The following SH3BP2 variants were observed in gnomAD, a reference collection of about 807,000 sequenced individuals.
SH3BP2 encodes SH3 domain binding protein 2, also known as SH3 domain-binding protein 2.
SH3BP2 carries 38 observed loss-of-function variants against 56.2 expected under a neutral mutation model. The ratio of observed to expected loss-of-function variants is 0.68; its 90% CI spans 0.52 to 0.89. The LOEUF is 0.89. Among genes scored for constraint, SH3BP2 ranks in the 40% least tolerant of loss-of-function variants. SH3BP2 has a pLI of 0.00. For synonymous variants in SH3BP2, 346 were observed against 316.7 expected (o/e 1.09, Z -0.98); for missense variants, 748 against 762.6 (o/e 0.98, Z 0.23).
At chr4:2,806,007 C>G (rs928547889) in intron 1 of SH3BP2, among the ~76,000 whole-genome samples, 2 of 152,342 alleles carry the variant, frequency 1.3e-5, no homozygotes, top group East Asian at 3.9e-4. Flanking sequence ...CTGGGCGGTT[C>G]CTCCCTTCCC....
chr4:2,824,137 C>T (rs1724460515), intron 3 of SH3BP2, among the ~76,000 whole-genome samples: 1 of 152,170 alleles, frequency 6.6e-6, no homozygotes, highest in Non-Finnish European at 1.5e-5. Context: ...CAGGGCTCCC[C>T]ACGTGATAAA....
At position 2,836,954 on chromosome 4, in the gene SH3BP2, G is replaced by A. The variant is rs1725254307; in HGVS notation, c.*3120G>A. 6.6e-6 allele frequency: 1 copy of A among 152,270 alleles called. No individual in the cohort carries two copies. Among genetic ancestry groups the A allele is most frequent in the East Asian group, 1.9e-4 (1 of 5,202 alleles). The allele number at this position is 152,270 out of a possible 1,614,324, so 9.4% of individuals were successfully genotyped here. On this transcript the variant is annotated 3_prime_UTR_variant, in exon 13 of 13. Transcript: ENST00000503393. ...CTTTGGGAAGCACCCCCAGCCCAGGGTGAAACATGCTTCTTCTCTTCCTGT... is the reference window on the plus strand; with the variant it reads ...CTTTGGGAAGCACCCCCAGCCCAGGATGAAACATGCTTCTTCTCTTCCTGT...
In SH3BP2 at chr4:2,795,725, G is replaced by A. The variant is rs371018001; in HGVS notation, c.-5+2587G>A. Among the ~76,000 whole-genome samples, 17 of 152,318 alleles carry A rather than the reference G, an allele frequency of 1.1e-4. No individual in the cohort carries two copies. The South Asian group carries it at 1.9e-3, about 17-fold the overall frequency. ...GGTACAGACAGACTAAGCCAAAGGC[G>A]GGCGGTAGGGAGGGTGGGAGACCAG... On this transcript the variant is annotated intron_variant, in intron 1 of 12. Coordinates refer to ENST00000503393, the MANE Select transcript of SH3BP2 (RefSeq NM_001122681.2).
At chr4:2,827,731 A>C in intron 7 of SH3BP2, 57 bp downstream of exon 7, 1 of 1,426,846 alleles carries the variant, frequency 7.0e-7, no homozygotes, top group Non-Finnish European at 9.7e-7. Flanking sequence ...AGGGGCTGGG[A>C]CCGGGAGCAG....
At position 2,820,758 on chromosome 4, in the gene SH3BP2, G is replaced by C. The variant is rs777738094; in HGVS notation, c.136+5G>C. ...CCCAGCTGCAGCTGCTGAAATGTGAGTCCCTGGGGTGGTAGGGTGCACAGT... is the reference window on the plus strand; with the variant it reads ...CCCAGCTGCAGCTGCTGAAATGTGACTCCCTGGGGTGGTAGGGTGCACAGT... On this transcript the variant is annotated splice_donor_5th_base_variant and intron_variant, in intron 2 of 12. Coordinates refer to ENST00000503393, the MANE Select transcript of SH3BP2 (RefSeq NM_001122681.2). 1.2e-6 allele frequency: 2 copies of C among 1,612,560 alleles called. No homozygotes were observed. Among genetic ancestry groups the C allele is most frequent in the African/African-American group, 1.3e-5 (1 of 74,868 alleles).
intron 1 of SH3BP2, among the ~76,000 whole-genome samples, chr4:2,804,426 G>A (rs1302289320): frequency 1.3e-5 from 2 of 152,190 alleles, no homozygotes; most frequent in Non-Finnish European, 2.9e-5. Context: ...AAAGGGGGCT[G>A]TGGCCTGGGA....
At chr4:2,802,234 A>T (rs971729428) in intron 1 of SH3BP2, among the ~76,000 whole-genome samples, 3 of 152,168 alleles carry the variant, frequency 2.0e-5, no homozygotes, top group African/African-American at 7.2e-5. Flanking sequence ...CCCTGTCTCT[A>T]CTAAAAATAC....
intron 1 of SH3BP2, among the ~76,000 whole-genome samples, chr4:2,813,774 C>T (rs1577348236): frequency 2.0e-5 from 3 of 152,176 alleles, no homozygotes; most frequent in Admixed American, 2.0e-4. Context: ...GACATGAGTG[C>T]ATGAGTGTGT....
chr4:2,801,599 GT>G lies in SH3BP2; in HGVS notation c.-5+8462del, dbSNP rs1442999476. On this transcript the variant is annotated intron_variant, in intron 1 of 12. Transcript: ENST00000503393. ...GCAGCCCCAGCAGAGGGGCTGGCCTGTCGCCTTGAGCCCACCTGTGCTGGCC... is the reference window on the plus strand; with the variant it reads ...GCAGCCCCAGCAGAGGGGCTGGCCTGCGCCTTGAGCCCACCTGTGCTGGCC... Among the ~76,000 whole-genome samples, 20 of 152,314 alleles carry G rather than the reference GT, an allele frequency of 1.3e-4. No individual in the cohort carries two copies. In the East Asian group the frequency reaches 3.9e-3, roughly 29 times the overall value.
chr4:2,816,697 C>T (rs956013445), intron 1 of SH3BP2, among the ~76,000 whole-genome samples: 2 of 152,198 alleles, frequency 1.3e-5, no homozygotes. Flanking sequence ...CTATCAAAAT[C>T]ATGTGGTTGT....
At chr4:2,801,279 G>A (rs1723271094) in intron 1 of SH3BP2, among the ~76,000 whole-genome samples, 2 of 152,184 alleles carry the variant, frequency 1.3e-5, no homozygotes, top group South Asian at 4.1e-4. Flanking sequence ...GGTCACCCAG[G>A]CCCCCTCTGG....
chr4:2,829,811 G>A lies in SH3BP2; in HGVS notation c.905G>A (p.Ser302Asn), dbSNP rs773000955. ...CCCCCTTGCTTCCGGGAGAGTGCCA[G>A]CCCCAGCCCGGAGCCCTGGACCCCT... ...RKPPCFRESASPSPEPWTPGH... is the reference protein window; with the variant it reads ...RKPPCFRESANPSPEPWTPGH... Residue 302 changes from serine (S) to asparagine (N), a missense_variant, in exon 8 of 13, where the codon AGC becomes AAC. Transcript: ENST00000503393. The surrounding 1 kb of genome is among the most constrained non-coding windows in gnomAD (Gnocchi z 4.9). 6.2e-7 allele frequency: 1 copy of A among 1,613,344 alleles called. No homozygotes were observed.
rs1445981887 is a variant in SH3BP2 at position 2,829,165 on chromosome 4, G to A, written c.587-328G>A. ...TTCCGTCCTCCCTCTCGCTCCAGCC[G>A]AGCCCTGAGATCCTTCTTGACTTCT... is the stretch of plus-strand genomic sequence containing the variant. On this transcript the variant is annotated intron_variant, in intron 7 of 12. Coordinates refer to ENST00000503393, the MANE Select transcript of SH3BP2 (RefSeq NM_001122681.2). The surrounding 1 kb of genome is among the most constrained non-coding windows in gnomAD (Gnocchi z 4.9). Among the ~76,000 whole-genome samples the A allele has an allele frequency of 2.6e-5, 4 of 152,064 alleles. No individual in the cohort carries two copies. The highest frequency in any genetic ancestry group is 4.1e-4 in the South Asian group (2 of 4,820).
intron 4 of SH3BP2, 101 bp from the exon 5 acceptor site, chr4:2,825,025 C>T (rs1221708132): frequency 1.2e-5 from 14 of 1,169,768 alleles, no homozygotes; most frequent in Non-Finnish European, 1.0e-5. Flanking sequence ...CTCCTCTGAC[C>T]TTGGGAGTCA....
intron 1 of SH3BP2, chr4:2,796,540 A>G (rs780739566): frequency 2.5e-5 from 22 of 887,330 alleles, no homozygotes; most frequent in South Asian, 5.2e-5. Context: ...GCCTCTGGGA[A>G]GAATGTGGGC....
chr4:2,812,741 C>T (rs946517950), intron 1 of SH3BP2, among the ~76,000 whole-genome samples: 8 of 145,498 alleles, frequency 5.5e-5, no homozygotes, highest in African/African-American at 1.5e-4. Flanking sequence ...ACCCCCCCAT[C>T]ACATGCGGCC....
Position 2,834,052 on chromosome 4 carries a change from T to C in SH3BP2, c.*218T>C, listed in dbSNP as rs991842773. 5.1e-6 allele frequency: 3 copies of C among 592,940 alleles called. No homozygotes were observed. The highest frequency in any genetic ancestry group is 3.7e-5 in the African/African-American group (2 of 53,716). The allele number at this position is 592,940 out of a possible 1,614,324, so 36.7% of individuals were successfully genotyped here. ...CAGGCTCCAGAGGACGAAGGGACTC[T>C]GTTGCCCCACACTAACTTGCCCTGT... On this transcript the variant is annotated 3_prime_UTR_variant, in exon 13 of 13. Transcript: ENST00000503393.
At position 2,831,993 on chromosome 4, in the gene SH3BP2, C is replaced by A; in HGVS notation, c.1406+15C>A. ...GAAGTGGAAAGGTCAGCACAAAGCCCTGTGTGTGCTGGGTCCTCCGCCATG... is the reference window on the plus strand; with the variant it reads ...GAAGTGGAAAGGTCAGCACAAAGCCATGTGTGTGCTGGGTCCTCCGCCATG... On this transcript the variant is annotated intron_variant, in intron 10 of 12. Transcript: ENST00000503393. This position sits in a 1 kb window ranked among gnomAD's most constrained non-coding sequence, Gnocchi z 4.1. 6.2e-7 allele frequency: 1 copy of A among 1,612,162 alleles called. No homozygotes were observed.
rs965323528 is a variant in SH3BP2 at position 2,818,524 on chromosome 4, G to A, written c.-4-2090G>A. The A allele has an allele frequency of 4.3e-5, 23 of 534,834 alleles. No individual in the cohort carries two copies. In the African/African-American group the frequency reaches 4.3e-4, roughly 10 times the overall value. The allele number at this position is 534,834 out of a possible 1,614,324, so 33.1% of individuals were successfully genotyped here. Reference sequence around the variant, plus strand: ...CTGGTCGCCCACGCGCTTCTTGGGGGAACAAAGGCGGGCGTGGACCGTCCC... The same window carrying A: ...CTGGTCGCCCACGCGCTTCTTGGGGAAACAAAGGCGGGCGTGGACCGTCCC... On this transcript the variant is annotated intron_variant, in intron 1 of 12. Transcript: ENST00000503393.
Sources: gnomAD v4.1 joint callset for allele counts (sites outside exome capture counted in the v4.1 genomes callset) on GRCh38, gnomAD v4.1.1 for gene constraint, Gnocchi (gnomAD v3.1) non-coding constraint, MANE v1.5 for transcripts, NCBI Gene and HGNC (gene_info 2026-07-23, HGNC 2026-07-21) for gene names.